The following KSR2 variants were observed in gnomAD, a reference collection of about 807,000 sequenced individuals.
The protein encoded by KSR2 is kinase suppressor of ras 2.
A neutral mutation model predicts 107.8 loss-of-function variants in KSR2; 25 were observed. The observed-to-expected ratio is 0.23, with a 90% confidence interval of 0.17 to 0.32. KSR2 has a LOEUF of 0.32. Among genes scored for constraint, KSR2 ranks in the 10% least tolerant of loss-of-function variants. The pLI is 1.00. For missense variants in KSR2, 887 were observed against 1,268.9 expected (o/e 0.70, Z 4.57); for synonymous variants, 480 against 507.0 (o/e 0.95, Z 0.71).
chr12:117,649,993 C>T (rs1883820880), intron 5 of KSR2, among the ~76,000 whole-genome samples: 1 of 152,150 alleles, frequency 6.6e-6, no homozygotes, highest in African/African-American at 2.4e-5. Flanking sequence ...TTGTCAGCCT[C>T]CCCAGCATTC....
At chr12:117,709,638 C>T (rs1236116332) in intron 4 of KSR2, among the ~76,000 whole-genome samples, 1 of 152,218 alleles carries the variant, frequency 6.6e-6, no homozygotes, top group Non-Finnish European at 1.5e-5. Context: ...TTATCTACTT[C>T]AGTGCACCAG....
intron 12 of KSR2, among the ~76,000 whole-genome samples, chr12:117,528,072 G>A (rs1056646755): frequency 8.6e-5 from 13 of 151,926 alleles, no homozygotes; most frequent in South Asian, 2.1e-4. Context: ...CTGGCGGGGC[G>A]TCACAATTTG....
chr12:117,558,509 C>G lies in KSR2; in HGVS notation c.1390G>C (p.Gly464Arg), dbSNP rs921832648. 25 of 1,613,684 alleles carry G rather than the reference C, an allele frequency of 1.5e-5. No homozygotes were observed. The highest frequency in any genetic ancestry group is 2.0e-5 in the Non-Finnish European group (24 of 1,179,782). Reference sequence around the variant, plus strand: ...GCAGTAAGTGTTAAATAGTTACCTCCTCGGTGGATGATCAGAAGATGACAG... The same window carrying G: ...GCAGTAAGTGTTAAATAGTTACCTCGTCGGTGGATGATCAGAAGATGACAG... ...PPCHLLIIHR[G>R]DPARLVRTES... Residue 464 changes from glycine to arginine, a missense_variant, in exon 8 of 20, where the codon GGA (glycine) becomes CGA (arginine). Around this residue, in one of 8 missense-constraint regions of KSR2, gnomAD observed 60 missense variants for 77.5 expected, o/e 0.77. Coordinates refer to ENST00000339824, the MANE Select transcript of KSR2 (RefSeq NM_173598.6).
intron 1 of KSR2, among the ~76,000 whole-genome samples, chr12:117,902,716 A>C (rs1479679768): frequency 6.6e-6 from 1 of 152,088 alleles, no homozygotes; most frequent in African/African-American, 2.4e-5. Flanking sequence ...CACGTTCTGC[A>C]CATGTATCCC....
chr12:117,524,806 A>T, intron 14 of KSR2, 46 bp downstream of exon 14: 2 of 1,550,968 alleles, frequency 1.3e-6, no homozygotes, highest in South Asian at 2.5e-5. Flanking sequence ...CCATGCCAGA[A>T]GCAGAGTTTT....
intron 7 of KSR2, among the ~76,000 whole-genome samples, chr12:117,569,374 T>C (rs1878729155): frequency 6.6e-6 from 1 of 152,138 alleles, no homozygotes; most frequent in South Asian, 2.1e-4. Context: ...TTAAAGTGAC[T>C]GTTTACATAA....
chr12:117,725,646 C>T (rs981569033), intron 4 of KSR2, among the ~76,000 whole-genome samples: 1 of 152,228 alleles, frequency 6.6e-6, no homozygotes, highest in Middle Eastern at 3.4e-3. Context: ...ACAAAAAGCA[C>T]TAAACATTAA....
At chr12:117,927,312 G>T (rs1895551031) in intron 1 of KSR2, among the ~76,000 whole-genome samples, 1 of 152,000 alleles carries the variant, frequency 6.6e-6, no homozygotes, top group South Asian at 2.1e-4. Context: ...GGAGATGAAG[G>T]TTGAAGTGTG....
chr12:117,806,168 T>C (rs1890999435), intron 3 of KSR2, among the ~76,000 whole-genome samples: 1 of 152,102 alleles, frequency 6.6e-6, no homozygotes, highest in Admixed American at 6.6e-5. Flanking sequence ...GAGATGAGTA[T>C]AAGGACAGAT....
chr12:117,622,900 T>C (rs1169131077), intron 5 of KSR2, among the ~76,000 whole-genome samples: 1 of 152,192 alleles, frequency 6.6e-6, no homozygotes. Flanking sequence ...GAATGCATTG[T>C]TGGGTCTGGG....
chr12:117,830,841 T>C (rs1444079129), intron 3 of KSR2, among the ~76,000 whole-genome samples: 2 of 152,244 alleles, frequency 1.3e-5, no homozygotes, highest in Non-Finnish European at 2.9e-5. Flanking sequence ...ACTAATACTG[T>C]CATTTCTATT....
chr12:117,800,371 A>C (rs905525019), intron 3 of KSR2, among the ~76,000 whole-genome samples: 1 of 151,872 alleles, frequency 6.6e-6, no homozygotes, highest in Non-Finnish European at 1.5e-5. Flanking sequence ...TGCTATTTTT[A>C]ATTATTCTGC....
chr12:117,820,504 G>A (rs903328012), intron 3 of KSR2, among the ~76,000 whole-genome samples: 10 of 152,120 alleles, frequency 6.6e-5, no homozygotes, highest in East Asian at 3.9e-4. Flanking sequence ...AAGCCTAATC[G>A]GATAAATCAC....
rs561878539 is a variant in KSR2, at chr12:117,937,611, G to A, written c.180+30465C>T. On this transcript the variant is annotated intron_variant, in intron 1 of 19. Transcript: ENST00000339824. ...TAAGGAGATGAGGCAGGAAGGAGAC[G>A]CAAAGGAACCCAGTTTAAAGACAGG... Among the ~76,000 whole-genome samples the A allele has an allele frequency of 2.5e-4, 38 of 152,000 alleles. No individual in the cohort carries two copies. The South Asian group carries it at 7.9e-3, about 32-fold the overall frequency.
intron 4 of KSR2, among the ~76,000 whole-genome samples, chr12:117,722,078 T>C (rs1823112): frequency 0.39 from 59,743 of 151,982 alleles, 11,951 homozygotes; most frequent in Middle Eastern, 0.5. Flanking sequence ...GGTCTCGCTA[T>C]GTTGCCCAAG....
intron 5 of KSR2, among the ~76,000 whole-genome samples, chr12:117,633,982 T>G (rs1882931602): frequency 1.3e-5 from 2 of 152,168 alleles, no homozygotes; most frequent in African/African-American, 4.8e-5. Context: ...TCACATAATT[T>G]TGGAACTATC....
intron 5 of KSR2, among the ~76,000 whole-genome samples, chr12:117,637,865 A>G (rs7978380): frequency 0.16 from 25,039 of 151,806 alleles, 2,148 homozygotes; most frequent in Middle Eastern, 0.24. Flanking sequence ...ACTGTCCTAA[A>G]TGCTCAAGTG....
intron 4 of KSR2, among the ~76,000 whole-genome samples, chr12:117,707,606 G>C (rs560296532): frequency 2.5e-4 from 38 of 152,252 alleles, no homozygotes; most frequent in Non-Finnish European, 4.9e-4. Flanking sequence ...ATTTTGGCAT[G>C]TGGGTTGTGC....
chr12:117,703,974 G>T (rs1886423645), intron 4 of KSR2, among the ~76,000 whole-genome samples: 1 of 152,198 alleles, frequency 6.6e-6, no homozygotes, highest in Admixed American at 6.5e-5. Context: ...AACATAAACA[G>T]AAAGCATTTG....
Sources: allele counts gnomAD v4.1 joint callset (sites outside exome capture counted in the v4.1 genomes callset), GRCh38; gene constraint gnomAD v4.1.1; regional missense constraint gnomAD v4.1.1; transcripts MANE v1.5; gene names NCBI Gene and HGNC (gene_info 2026-07-23, HGNC 2026-07-21).